HDAC9: variants seen among roughly 807,000 people sequenced by gnomAD.
HDAC9 encodes MEF-2 interacting transcription repressor (MITR) protein.
Under a neutral mutation model 139.4 loss-of-function variants are expected in HDAC9, and 41 were observed. The observed-to-expected ratio is 0.29, with a 90% CI of 0.23 to 0.38. The LOEUF (loss-of-function observed/expected upper bound fraction) is 0.38, where lower values mean the gene tolerates loss of function less well. Among genes scored for constraint, HDAC9 ranks in the 10% least tolerant of loss-of-function variants. The probability of loss-of-function intolerance (pLI) is 1.00; values close to 1 mark genes in which losing one functional copy is unlikely to be tolerated. For missense variants in HDAC9, 1,147 were observed against 1,297.0 expected (o/e 0.88, Z 1.78); for synonymous variants, 517 against 476.2 (o/e 1.09, Z -1.12).
chr7:18,870,080 C>G (rs1798799088), intron 21 of HDAC9, among the ~76,000 whole-genome samples: 1 of 152,098 alleles, frequency 6.6e-6, no homozygotes, highest in Middle Eastern at 3.4e-3. Context: ...GGACAGAGTT[C>G]CTGTACGCCA....
intron 2 of HDAC9, among the ~76,000 whole-genome samples, chr7:18,510,439 A>C (rs1185997474): frequency 6.6e-6 from 1 of 152,040 alleles, no homozygotes; most frequent in Admixed American, 6.6e-5. Flanking sequence ...ATGTTATTCA[A>C]ATAACACTTT....
In HDAC9 at chr7:18,504,989, G is replaced by A. The variant is rs112198643; in HGVS notation, c.22+8665G>A. On this transcript the variant is annotated intron_variant, in intron 2 of 25. Transcript: ENST00000686413. ...CTAGACAGACTTCTTAATCCTGGGA[G>A]GTTTAAGGCACAAATAGGCAAGCAT... Among the ~76,000 whole-genome samples the A allele has an allele frequency of 7.9e-3, 1,209 of 152,296 alleles. 16 individuals are homozygous for A. Among genetic ancestry groups the A allele is most frequent in the African/African-American group, 0.028 (1,146 of 41,568 alleles).
chr7:18,710,770 A>T (rs879709549), intron 12 of HDAC9, among the ~76,000 whole-genome samples: 119 of 152,336 alleles, frequency 7.8e-4, no homozygotes, highest in African/African-American at 2.8e-3. Flanking sequence ...AAAGCCGCTG[A>T]AGTTTAAATA....
At chr7:18,317,350 T>A (rs182527015) in intron 1 of HDAC9, among the ~76,000 whole-genome samples, 1 of 152,100 alleles carries the variant, frequency 6.6e-6, no homozygotes, top group Non-Finnish European at 1.5e-5. Context: ...CTATAATTAG[T>A]CATGGCTCTC....
At chr7:18,219,038 G>A (rs879525972) in intron 2 of HDAC9, among the ~76,000 whole-genome samples, 28 of 152,048 alleles carry the variant, frequency 1.8e-4, no homozygotes, top group Admixed American at 1.2e-3. Context: ...ACAAAATGAT[G>A]CCTAACTTCT....
chr7:18,584,630 C>T (rs1391587848), intron 2 of HDAC9, among the ~76,000 whole-genome samples: 1 of 152,122 alleles, frequency 6.6e-6, no homozygotes, highest in Non-Finnish European at 1.5e-5. Flanking sequence ...AATGAGGTAG[C>T]TGAGATACAG....
rs1562894905 is a variant in HDAC9 at position 18,733,243 on chromosome 7, A to C, written c.1909+5486A>C. Among the ~76,000 whole-genome samples, 4 of 148,608 alleles carry C rather than the reference A, an allele frequency of 2.7e-5. No homozygotes were observed. In the East Asian group the frequency reaches 8.0e-4, roughly 30 times the overall value. On this transcript the variant is annotated intron_variant, in intron 13 of 25. Transcript: ENST00000686413. ...CGTATATACACATATATACATGTGT[A>C]TATATGTATATAATGTATATATACA...
At chr7:18,859,854 A>ATGTGTGTGTGTGTGTGTGTGTGTGTGTG (rs1797975861) in intron 21 of HDAC9, among the ~76,000 whole-genome samples, 13 of 121,930 alleles carry the variant, frequency 1.1e-4, no homozygotes, top group Non-Finnish European at 1.0e-4. Flanking sequence ...ATATATATAT[A>ATGTGTGTGTGTGTGTGTGTGTGTGTGTG]TATATGTGAG....
chr7:18,881,326 A>C (rs1004706903), intron 22 of HDAC9, among the ~76,000 whole-genome samples: 5 of 152,128 alleles, frequency 3.3e-5, no homozygotes, highest in Admixed American at 2.6e-4. Flanking sequence ...TTTTTTAGAT[A>C]GCCTTGATTA....
chr7:18,134,306 A>C (rs1331185076), intron 1 of HDAC9, among the ~76,000 whole-genome samples: 1 of 152,054 alleles, frequency 6.6e-6, no homozygotes, highest in Non-Finnish European at 1.5e-5. Flanking sequence ...TTTTTTATTA[A>C]TGTCATGGCA....
chr7:18,535,878 ACT>A (rs1261333244), intron 2 of HDAC9, among the ~76,000 whole-genome samples: 1 of 152,152 alleles, frequency 6.6e-6, no homozygotes, highest in Non-Finnish European at 1.5e-5. Flanking sequence ...GATCAATGAA[ACT>A]CTACAATAAA....
At chr7:18,707,270 A>G (rs1403199443) in intron 12 of HDAC9, among the ~76,000 whole-genome samples, 2 of 152,376 alleles carry the variant, frequency 1.3e-5, no homozygotes, top group South Asian at 4.1e-4. Flanking sequence ...TCTTTAACAT[A>G]GGTAAAGAGG....
chr7:18,789,946 A>C (rs905359033), intron 16 of HDAC9, among the ~76,000 whole-genome samples: 2 of 152,132 alleles, frequency 1.3e-5, no homozygotes, highest in Non-Finnish European at 2.9e-5. Context: ...TTGGTTGGAG[A>C]GATTGACAAC....
chr7:18,141,823 A>G (rs1785917440), intron 1 of HDAC9, among the ~76,000 whole-genome samples: 1 of 152,130 alleles, frequency 6.6e-6, no homozygotes, highest in Non-Finnish European at 1.5e-5. Context: ...TATTCATTTC[A>G]TTTATTTATT....
At chr7:18,424,581 A>C (rs117072497) in intron 1 of HDAC9, among the ~76,000 whole-genome samples, 1 of 152,334 alleles carries the variant, frequency 6.6e-6, no homozygotes, top group Non-Finnish European at 1.5e-5. Context: ...CAACAAAAAA[A>C]TCTAATGAGA....
At chr7:18,101,986 A>G (rs1050228174) in intron 1 of HDAC9, among the ~76,000 whole-genome samples, 4 of 152,158 alleles carry the variant, frequency 2.6e-5, no homozygotes, top group East Asian at 1.9e-4. Context: ...CCTCTTTTAT[A>G]TTTATTCAGG....
Position 18,957,732 on chromosome 7 carries a change from A to T in HDAC9, c.3022+3502A>T, listed in dbSNP as rs142860358. Among the ~76,000 whole-genome samples the T allele has an allele frequency of 1.4e-4, 21 of 152,296 alleles. No individual in the cohort carries two copies. The East Asian group carries it at 4.1e-3, about 29-fold the overall frequency. ...CCATTATGAAGCTGCCCCTGAAGGT[A>T]GTCCTTGTTCAACAGGAGCACTTCC... is the stretch of plus-strand genomic sequence containing the variant. On this transcript the variant is annotated intron_variant, in intron 24 of 25. Coordinates refer to ENST00000686413, the MANE Select transcript of HDAC9 (RefSeq NM_178425.4).
At chr7:18,675,713 C>T (rs762917819) in intron 12 of HDAC9, among the ~76,000 whole-genome samples, 5 of 151,980 alleles carry the variant, frequency 3.3e-5, no homozygotes, top group Non-Finnish European at 7.4e-5. Context: ...CGGCCCAGGT[C>T]ACTGCAGGAG....
intron 13 of HDAC9, among the ~76,000 whole-genome samples, chr7:18,741,548 A>C (rs1315211542): frequency 6.6e-6 from 1 of 152,224 alleles, no homozygotes; most frequent in Non-Finnish European, 1.5e-5. Context: ...CTGGTCACCC[A>C]AGAACTCTGA....
Sources: gnomAD v4.1 joint callset for allele counts (sites outside exome capture counted in the v4.1 genomes callset) on GRCh38, gnomAD v4.1.1 for gene constraint, MANE v1.5 for transcripts, NCBI Gene and HGNC (gene_info 2026-07-23, HGNC 2026-07-21) for gene names.